Variants in LPCAT2 observed in about 807,000 individuals in gnomAD.
LPCAT2 encodes 1-AGP acyltransferase 11.
LPCAT2 carries 58 observed loss-of-function variants against 64.7 expected under a neutral mutation model. The ratio of observed to expected loss-of-function variants is 0.90; its 90% CI spans 0.73 to 1.12. LPCAT2 has a LOEUF of 1.12. LPCAT2 is among the 50% of genes most tolerant of loss of function. The pLI, the probability that LPCAT2 is intolerant of heterozygous loss-of-function variation, is 0.00. For missense variants in LPCAT2, 579 were observed against 669.8 expected (o/e 0.86, Z 1.50); for synonymous variants, 252 against 245.3 (o/e 1.03, Z -0.26).
chr16:55,567,262 T>A, intron 11 of LPCAT2: 1 of 1,613,756 alleles, frequency 6.2e-7, no homozygotes, highest in East Asian at 2.2e-5. Context: ...TCTGGGTCTC[T>A]GGGAAGTTCT....
At position 55,528,695 on chromosome 16, in the gene LPCAT2, A is replaced by C. The variant is rs1397486824; in HGVS notation, c.529+101A>C. Reference sequence around the variant, plus strand: ...ATTGATAACCTTTTTAAAAAGTTTAAAATAAACATTTCAAACATATTTACT... The same window carrying C: ...ATTGATAACCTTTTTAAAAAGTTTACAATAAACATTTCAAACATATTTACT... On this transcript the variant is annotated intron_variant, in intron 3 of 13. Coordinates refer to ENST00000262134, the MANE Select transcript of LPCAT2 (RefSeq NM_017839.5). 3 of 851,980 alleles carry C rather than the reference A, an allele frequency of 3.5e-6. No individual in the cohort carries two copies. In the African/African-American group the frequency reaches 5.2e-5, roughly 15 times the overall value. 52.8% of individuals were successfully genotyped at this position (851,980 alleles called of 1,614,324 possible).
At chr16:55,528,693 T>G in intron 3 of LPCAT2, 99 bp downstream of exon 3, 1 of 861,076 alleles carries the variant, frequency 1.2e-6, no homozygotes, top group Non-Finnish European at 1.8e-6. Flanking sequence ...TTAAAAAGTT[T>G]AAAATAAACA....
intron 11 of LPCAT2, among the ~76,000 whole-genome samples, chr16:55,573,350 G>A (rs1156974333): frequency 1.3e-5 from 2 of 151,748 alleles, no homozygotes; most frequent in Non-Finnish European, 2.9e-5. Context: ...TGAACCTAGA[G>A]TAGTAGGTAA....
chr16:55,512,625 G>T (rs1962949170), intron 1 of LPCAT2, among the ~76,000 whole-genome samples: 1 of 152,206 alleles, frequency 6.6e-6, no homozygotes, highest in African/African-American at 2.4e-5. Context: ...GCATATAAAT[G>T]ATCTCAAAAC....
intron 5 of LPCAT2, chr16:55,532,272 A>G (rs1356316481): frequency 4.2e-5 from 10 of 240,476 alleles, no homozygotes; most frequent in South Asian, 2.0e-4. Context: ...TAGAAAACCT[A>G]TCTCATTATC....
rs547185964 is a variant in LPCAT2, at chr16:55,570,882, A to C, written c.1216-3749A>C. On this transcript the variant is annotated intron_variant, in intron 11 of 13. Transcript: ENST00000262134. ...TACTCTTCTGTACAGCTCAGAATTT[A>C]CTGTATTTTAATAATAATACTCCTT... Among the ~76,000 whole-genome samples the C allele has an allele frequency of 4.6e-5, 7 of 152,338 alleles. No individual in the cohort carries two copies. The South Asian group carries it at 1.4e-3, about 32-fold the overall frequency.
intron 11 of LPCAT2, among the ~76,000 whole-genome samples, chr16:55,561,877 T>C (rs1170962203): frequency 6.6e-6 from 1 of 151,982 alleles, no homozygotes; most frequent in Non-Finnish European, 1.5e-5. Flanking sequence ...TAAAATCAGT[T>C]GTTGGAAAGT....
chr16:55,565,680 T>A (rs1165800678), intron 11 of LPCAT2, among the ~76,000 whole-genome samples: 5 of 151,788 alleles, frequency 3.3e-5, no homozygotes, highest in Admixed American at 2.0e-4. Context: ...AATAGAGAGA[T>A]GGTTACCAGG....
intron 11 of LPCAT2, among the ~76,000 whole-genome samples, chr16:55,560,390 G>A (rs1327121674): frequency 2.0e-5 from 3 of 152,170 alleles, no homozygotes; most frequent in African/African-American, 4.8e-5. Context: ...TATTCTAGAC[G>A]AGGTTCAGTT....
chr16:55,569,324 A>G (rs1376656472), intron 11 of LPCAT2, among the ~76,000 whole-genome samples: 1 of 152,192 alleles, frequency 6.6e-6, no homozygotes, highest in Non-Finnish European at 1.5e-5. Flanking sequence ...CTGGTGTGCT[A>G]CTTAGACCAG....
chr16:55,586,512 T>C lies in LPCAT2; in HGVS notation c.*3414T>C, dbSNP rs1297934085. 2 of 152,198 alleles carry C rather than the reference T, an allele frequency of 1.3e-5. No homozygotes were observed. Among genetic ancestry groups the C allele is most frequent in the African/African-American group, 2.4e-5 (1 of 41,462 alleles). The allele number at this position is 152,198 out of a possible 1,614,324, so 9.4% of individuals were successfully genotyped here. ...CAACTATTATCAATTTTATACATAT[T>C]TTACTCCATCTTTTTTCAAAGTTTC... is the stretch of plus-strand genomic sequence containing the variant. On this transcript the variant is annotated 3_prime_UTR_variant, in exon 14 of 14. Transcript: ENST00000262134.
rs58492846 is a variant in LPCAT2 at position 55,571,718 on chromosome 16, A to G, written c.1216-2913A>G. Reference sequence around the variant, plus strand: ...ATTGTGCAATAATTCTTATCATGATACTGATTTGACATTTAAGAATTAAAA... The same window carrying G: ...ATTGTGCAATAATTCTTATCATGATGCTGATTTGACATTTAAGAATTAAAA... On this transcript the variant is annotated intron_variant, in intron 11 of 13. Coordinates refer to ENST00000262134, the MANE Select transcript of LPCAT2 (RefSeq NM_017839.5). 3.7e-3 allele frequency among the ~76,000 whole-genome samples: 557 copies of G among 152,246 alleles called. 2 individuals carry two copies. Among genetic ancestry groups the G allele is most frequent in the African/African-American group, 0.013 (539 of 41,536 alleles).
intron 9 of LPCAT2, among the ~76,000 whole-genome samples, chr16:55,548,064 G>A (rs1346653783): frequency 1.3e-5 from 2 of 151,636 alleles, no homozygotes; most frequent in Non-Finnish European, 2.9e-5. Flanking sequence ...CACCGCACCT[G>A]GCCAAAAAAA....
chr16:55,574,230 C>A (rs1963802151), intron 11 of LPCAT2, among the ~76,000 whole-genome samples: 1 of 152,096 alleles, frequency 6.6e-6, no homozygotes, highest in Non-Finnish European at 1.5e-5. Context: ...CCCCTTAGGA[C>A]CCTTAATGAC....
At chr16:55,532,069 C>G (rs905586989) in intron 5 of LPCAT2, 95 bp downstream of exon 5, 6 of 818,960 alleles carry the variant, frequency 7.3e-6, no homozygotes, top group Admixed American at 4.3e-5. Flanking sequence ...TTAGCTTGCT[C>G]TGAGCATTTT....
At chr16:55,578,970 G>A in intron 12 of LPCAT2, 139 bp from the exon 13 acceptor site, 1 of 759,198 alleles carries the variant, frequency 1.3e-6, no homozygotes. Context: ...GAGGGTAGTA[G>A]AGATGATACT....
chr16:55,581,716 C>T (rs945817866), intron 13 of LPCAT2, among the ~76,000 whole-genome samples: 10 of 152,130 alleles, frequency 6.6e-5, no homozygotes, highest in African/African-American at 2.2e-4. Flanking sequence ...ATCCAAAGAC[C>T]ATGCTATCTT....
chr16:55,524,372 A>G (rs1267694449), intron 1 of LPCAT2, among the ~76,000 whole-genome samples: 2 of 152,006 alleles, frequency 1.3e-5, no homozygotes, highest in Non-Finnish European at 2.9e-5. Context: ...AATTATGGCA[A>G]TAGAAATCTA....
chr16:55,577,587 T>C (rs567544449), intron 12 of LPCAT2, among the ~76,000 whole-genome samples: 1 of 152,314 alleles, frequency 6.6e-6, no homozygotes, highest in South Asian at 2.1e-4. Context: ...TGAACACTTT[T>C]GATCAGTGCT....
Sources: gnomAD v4.1 joint callset for allele counts (sites outside exome capture counted in the v4.1 genomes callset) on GRCh38, gnomAD v4.1.1 for gene constraint, MANE v1.5 for transcripts, NCBI Gene and HGNC (gene_info 2026-07-23, HGNC 2026-07-21) for gene names.